ZCCHC17: variants seen among roughly 807,000 people sequenced by gnomAD.
ZCCHC17 encodes zinc finger CCHC-type containing 17.
A neutral mutation model predicts 30.6 loss-of-function variants in ZCCHC17; 18 were observed. The ratio of observed to expected loss-of-function variants is 0.59; its 90% CI spans 0.41 to 0.87. The LOEUF (loss-of-function observed/expected upper bound fraction) is 0.87. ZCCHC17 is among the 40% of genes least tolerant of loss of function. The pLI is 0.00. For synonymous variants in ZCCHC17, 88 were observed against 92.4 expected (o/e 0.95, Z 0.27); for missense variants, 263 against 284.2 (o/e 0.93, Z 0.54).
At chr1:31,337,016 A>G (rs995868628) in intron 3 of ZCCHC17, 159 bp from the exon 4 acceptor site, 2 of 584,424 alleles carry the variant, frequency 3.4e-6, no homozygotes, top group African/African-American at 1.9e-5. Flanking sequence ...TTGATTGGGT[A>G]TAAAAAGCAG....
At chr1:31,349,217 A>C (rs767218406) in intron 7 of ZCCHC17, among the ~76,000 whole-genome samples, 14 of 147,000 alleles carry the variant, frequency 9.5e-5, no homozygotes, top group Non-Finnish European at 1.8e-4. Context: ...TTTTTTTGTT[A>C]AAAAAAAAAG....
At chr1:31,359,300 G>C (rs111763084) in intron 7 of ZCCHC17, among the ~76,000 whole-genome samples, 2 of 151,932 alleles carry the variant, frequency 1.3e-5, no homozygotes, top group African/African-American at 4.8e-5. Context: ...TGGATCACTT[G>C]AGGTCAGGAG....
chr1:31,364,479 T>G lies in ZCCHC17; in HGVS notation c.*286T>G. 4.9e-6 allele frequency: 2 copies of G among 410,696 alleles called. No homozygotes were observed. The highest frequency in any genetic ancestry group is 4.4e-6 in the Non-Finnish European group (1 of 226,850). The allele number at this position is 410,696 out of a possible 1,614,324, so 25.4% of individuals were successfully genotyped here. A position where few individuals can be genotyped will look rare whatever the true frequency, so the allele number is the denominator to read the frequency against. ...TCCTTCATTCAGCAGGAGGTCCTATTACCCTCTCCAGCTGCCACTGCCAGA... is the reference window on the plus strand; with the variant it reads ...TCCTTCATTCAGCAGGAGGTCCTATGACCCTCTCCAGCTGCCACTGCCAGA... On this transcript the variant is annotated 3_prime_UTR_variant, in exon 8 of 8. Coordinates refer to ENST00000344147, the MANE Select transcript of ZCCHC17 (RefSeq NM_016505.4).
At chr1:31,338,168 A>C (rs997150643) in intron 4 of ZCCHC17, among the ~76,000 whole-genome samples, 2 of 147,458 alleles carry the variant, frequency 1.4e-5, no homozygotes, top group African/African-American at 5.0e-5. Flanking sequence ...TTTTTTGTCA[A>C]GATGGGGTCT....
chr1:31,341,102 T>A (rs1030876687), intron 5 of ZCCHC17, among the ~76,000 whole-genome samples: 1 of 152,232 alleles, frequency 6.6e-6, no homozygotes, highest in Non-Finnish European at 1.5e-5. Flanking sequence ...TCAGTCTCTC[T>A]GACCTTAAAG....
At chr1:31,316,224 C>T (rs1361165957) in intron 2 of ZCCHC17, among the ~76,000 whole-genome samples, 2 of 152,166 alleles carry the variant, frequency 1.3e-5, no homozygotes, top group Non-Finnish European at 2.9e-5. Context: ...GCCTCAGCTA[C>T]CCAAGTAGCT....
At position 31,298,545 on chromosome 1, in the gene ZCCHC17, C is replaced by T. The variant is rs1218383333; in HGVS notation, c.-56+1470C>T. Among the ~76,000 whole-genome samples the T allele has an allele frequency of 5.9e-5, 9 of 152,102 alleles. No homozygotes were observed. The East Asian group carries it at 1.2e-3, about 20-fold the overall frequency. On this transcript the variant is annotated intron_variant, in intron 1 of 7. Coordinates refer to ENST00000344147, the MANE Select transcript of ZCCHC17 (RefSeq NM_016505.4). Reference sequence around the variant, plus strand: ...GGATTACAGGCGCCTCCACTGTGCCCGGCCAATTTTTGTATTTTTGGTGGA... The same window carrying T: ...GGATTACAGGCGCCTCCACTGTGCCTGGCCAATTTTTGTATTTTTGGTGGA...
In ZCCHC17 at chr1:31,297,056, G is replaced by A. The variant is rs894618265; in HGVS notation, c.-75G>A. On this transcript the variant is annotated 5_prime_UTR_variant, in exon 1 of 8. Coordinates refer to ENST00000344147, the MANE Select transcript of ZCCHC17 (RefSeq NM_016505.4). ...CGTTTAGTTCAGCGCAGCGACTCGG[G>A]GACCTGGAGCTGACGCCTAGTACGT... is the stretch of plus-strand genomic sequence containing the variant. 1.4e-5 allele frequency: 6 copies of A among 443,716 alleles called. No homozygotes were observed. Among genetic ancestry groups the A allele is most frequent in the Non-Finnish European group, 2.0e-5 (5 of 250,406 alleles). The allele number at this position is 443,716 out of a possible 1,614,324, so 27.5% of individuals were successfully genotyped here. A position where few individuals can be genotyped will look rare whatever the true frequency, so the allele number is the denominator to read the frequency against.
chr1:31,314,504 T>A (rs1253422424), intron 2 of ZCCHC17, among the ~76,000 whole-genome samples: 1 of 152,070 alleles, frequency 6.6e-6, no homozygotes, highest in African/African-American at 2.4e-5. Context: ...TCTGTCTTAT[T>A]GAATCTCTCC....
chr1:31,340,149 A>G (rs1300665615), intron 5 of ZCCHC17, among the ~76,000 whole-genome samples: 4 of 150,980 alleles, frequency 2.6e-5, no homozygotes, highest in Admixed American at 6.6e-5. Context: ...GGGTCTCCCT[A>G]TGTTGCCCAG....
chr1:31,313,847 T>C (rs531211365), intron 2 of ZCCHC17, among the ~76,000 whole-genome samples: 6 of 151,776 alleles, frequency 4.0e-5, no homozygotes, highest in Non-Finnish European at 7.4e-5. Context: ...GCTCTTTTCT[T>C]TTCTCTTCTC....
chr1:31,360,780 G>T (rs1348631797), intron 7 of ZCCHC17, among the ~76,000 whole-genome samples: 1 of 152,126 alleles, frequency 6.6e-6, no homozygotes, highest in Non-Finnish European at 1.5e-5. Context: ...TGGTTTTGCC[G>T]CTTTAGCCTT....
At chr1:31,302,738 G>A (rs1038472715) in intron 1 of ZCCHC17, among the ~76,000 whole-genome samples, 2 of 152,094 alleles carry the variant, frequency 1.3e-5, no homozygotes, top group Non-Finnish European at 2.9e-5. Flanking sequence ...AGCAAGGCAC[G>A]TCTTAAGTGG....
chr1:31,298,402 T>C (rs1646223890), intron 1 of ZCCHC17, among the ~76,000 whole-genome samples: 1 of 151,894 alleles, frequency 6.6e-6, no homozygotes. Context: ...TTTTTTTTTT[T>C]TGAGACAGGT....
In ZCCHC17 at chr1:31,339,016, G is replaced by A; in HGVS notation, c.285G>A (p.Gly95=). The A allele has an allele frequency of 6.2e-7, 1 of 1,612,336 alleles. No homozygotes were observed. The highest frequency in any genetic ancestry group is 2.2e-5 in the East Asian group (1 of 44,850). The change falls in exon 5 of 8, where the codon GGG becomes GGA. Residue 95 remains glycine (G), a synonymous_variant. Coordinates refer to ENST00000344147, the MANE Select transcript of ZCCHC17 (RefSeq NM_016505.4). ...LSMKVVNQGT[G]KDLDPNNVII... ...TGAAGGTTGTCAATCAAGGGACTGGGAAAGACCTTGATCCCAACAATGTTA... is the reference window on the plus strand; with the variant it reads ...TGAAGGTTGTCAATCAAGGGACTGGAAAAGACCTTGATCCCAACAATGTTA...
At chr1:31,344,687 T>C (rs1297309507) in intron 5 of ZCCHC17, among the ~76,000 whole-genome samples, 1 of 152,180 alleles carries the variant, frequency 6.6e-6, no homozygotes, top group East Asian at 1.9e-4. Context: ...ATTTGGTTTG[T>C]AGTCTGGTAG....
chr1:31,318,185 A>T, intron 2 of ZCCHC17: 1 of 1,535,426 alleles, frequency 6.5e-7, no homozygotes, highest in Non-Finnish European at 8.7e-7. Context: ...AAGCTGAAAC[A>T]GTGCTCAAGA....
At chr1:31,337,375 C>A in intron 4 of ZCCHC17, 100 bp downstream of exon 4, 2 of 1,019,276 alleles carry the variant, frequency 2.0e-6, no homozygotes, top group South Asian at 1.5e-5. Context: ...GTTAATTGTG[C>A]TGATAATCTT....
intron 1 of ZCCHC17, among the ~76,000 whole-genome samples, chr1:31,299,046 A>C (rs891069858): frequency 6.6e-6 from 1 of 152,244 alleles, no homozygotes; most frequent in Non-Finnish European, 1.5e-5. Context: ...CATGGAGGTC[A>C]CAGTAACCTT....
Sources: allele counts gnomAD v4.1 joint callset (sites outside exome capture counted in the v4.1 genomes callset), GRCh38; gene constraint gnomAD v4.1.1; transcripts MANE v1.5; gene names NCBI Gene and HGNC (gene_info 2026-07-23, HGNC 2026-07-21).